The following SEC24D variants were observed in gnomAD, a reference collection of about 807,000 sequenced individuals.
SEC24D encodes the protein protein transport protein Sec24D.
A neutral mutation model predicts 116.9 loss-of-function variants in SEC24D; 69 were observed. That is an observed-to-expected ratio of 0.59 (90% confidence interval 0.49 to 0.72). SEC24D has a LOEUF of 0.72. Ranked by LOEUF, SEC24D falls within the 30% of genes least tolerant of loss-of-function variation. The pLI is 0.00. For missense variants in SEC24D, 1,131 were observed against 1,264.1 expected, an observed-to-expected ratio of 0.89 and a Z score of 1.60; for synonymous variants, 405 against 442.8, an observed-to-expected ratio of 0.91 and a Z score of 1.07.
rs187131137 is a variant in SEC24D at position 118,789,183 on chromosome 4, G to T, written c.1041+8500C>A. On this transcript the variant is annotated intron_variant, in intron 8 of 22. Coordinates refer to ENST00000280551, the MANE Select transcript of SEC24D (RefSeq NM_014822.4). ...GGTAACTTTAATAGCCCCAGAACCT[G>T]TGGAGCTTCATCATCTATAAAAGTG... Among the ~76,000 whole-genome samples the T allele has an allele frequency of 9.6e-4, 146 of 152,334 alleles. 2 individuals carry two copies. The highest frequency in any genetic ancestry group is 3.3e-3 in the African/African-American group (138 of 41,578).
chr4:118,809,392 G>A (rs905169327), intron 6 of SEC24D, among the ~76,000 whole-genome samples: 7 of 152,112 alleles, frequency 4.6e-5, no homozygotes, highest in Non-Finnish European at 2.9e-5. Context: ...CACCAAAAGG[G>A]TTATAATAAG....
intron 2 of SEC24D, among the ~76,000 whole-genome samples, chr4:118,832,312 A>C (rs116550416): frequency 0.044 from 6,653 of 152,302 alleles, 199 homozygotes; most frequent in Non-Finnish European, 0.064. Context: ...TGGTAAACAG[A>C]GTCAAATACA....
intron 7 of SEC24D, among the ~76,000 whole-genome samples, chr4:118,804,847 T>G (rs1283722552): frequency 1.3e-5 from 2 of 151,204 alleles, no homozygotes; most frequent in Non-Finnish European, 2.9e-5. Context: ...TATTGAGCCC[T>G]CTATACACAT....
At chr4:118,803,472 T>C (rs1370236256) in intron 7 of SEC24D, among the ~76,000 whole-genome samples, 1 of 152,126 alleles carries the variant, frequency 6.6e-6, no homozygotes, top group Non-Finnish European at 1.5e-5. Context: ...AGTTTGGGTG[T>C]CCCCAACTTG....
At chr4:118,810,251 A>C (rs961029965) in intron 6 of SEC24D, among the ~76,000 whole-genome samples, 15 of 152,028 alleles carry the variant, frequency 9.9e-5, no homozygotes, top group African/African-American at 3.4e-4. Context: ...TCTGACTTAG[A>C]ATTTGAATGG....
chr4:118,733,243 TG>T, intron 19 of SEC24D: 3 of 137,406 alleles, frequency 2.2e-5, no homozygotes, highest in South Asian at 2.2e-4. Flanking sequence ...TTTTTCTCAG[TG>T]TTTTTTTTTT....
intron 8 of SEC24D, among the ~76,000 whole-genome samples, chr4:118,775,245 CAG>C (rs1449408487): frequency 6.7e-6 from 1 of 149,268 alleles, no homozygotes; most frequent in Admixed American, 6.8e-5. Context: ...ATACCTGAGA[CAG>C]GGGTCGGTCA....
At chr4:118,763,920 A>G (rs1402960893) in intron 10 of SEC24D, among the ~76,000 whole-genome samples, 2 of 152,232 alleles carry the variant, frequency 1.3e-5, no homozygotes, top group Admixed American at 6.5e-5. Flanking sequence ...GCTATAGTAA[A>G]TAATTACCAT....
chr4:118,775,218 G>A (rs1728075236), intron 8 of SEC24D, among the ~76,000 whole-genome samples: 1 of 151,922 alleles, frequency 6.6e-6, no homozygotes, highest in Non-Finnish European at 1.5e-5. Flanking sequence ...GTTTACTGTA[G>A]TATCTCCTGT....
At chr4:118,818,700 T>C (rs1247179530) in intron 3 of SEC24D, among the ~76,000 whole-genome samples, 1 of 152,148 alleles carries the variant, frequency 6.6e-6, no homozygotes. Context: ...GGAATTGACT[T>C]TATAATTTAG....
At chr4:118,796,518 G>A (rs11098451) in intron 8 of SEC24D, among the ~76,000 whole-genome samples, 10,061 of 152,216 alleles carry the variant, frequency 0.066, 384 homozygotes, top group African/African-American at 0.097. Flanking sequence ...AGTTCACTCT[G>A]CTCCCAAAAG....
chr4:118,811,445 G>A (rs918491732), intron 6 of SEC24D, among the ~76,000 whole-genome samples: 2 of 152,214 alleles, frequency 1.3e-5, no homozygotes, highest in African/African-American at 4.8e-5. Context: ...AAGTCTAAAT[G>A]GTGCTATGAA....
intron 21 of SEC24D, 64 bp from the exon 22 acceptor site, chr4:118,728,714 G>T: frequency 1.0e-6 from 1 of 983,420 alleles, no homozygotes; most frequent in Non-Finnish European, 1.6e-6. Flanking sequence ...GTAGCAATAT[G>T]AGATTATCAT....
intron 13 of SEC24D, among the ~76,000 whole-genome samples, chr4:118,746,896 G>C (rs766966259): frequency 2.0e-5 from 3 of 152,120 alleles, no homozygotes; most frequent in Non-Finnish European, 2.9e-5. Context: ...GTGGGTCAGA[G>C]AGGTGAAGAC....
At chr4:118,751,054 T>TA (rs1455960490) in intron 13 of SEC24D, among the ~76,000 whole-genome samples, 1 of 152,112 alleles carries the variant, frequency 6.6e-6, no homozygotes, top group Admixed American at 6.6e-5. Flanking sequence ...CATTTTATGT[T>TA]AAAAGTTAAT....
At chr4:118,753,404 G>A (rs1480388887) in intron 11 of SEC24D, among the ~76,000 whole-genome samples, 2 of 151,950 alleles carry the variant, frequency 1.3e-5, no homozygotes, top group Non-Finnish European at 2.9e-5. Context: ...CAGAAAATAG[G>A]CTAGATTTGG....
At chr4:118,822,459 C>G (rs1730438165) in intron 3 of SEC24D, among the ~76,000 whole-genome samples, 1 of 152,184 alleles carries the variant, frequency 6.6e-6, no homozygotes, top group Non-Finnish European at 1.5e-5. Context: ...AAAGATCAAT[C>G]AATTCCAAGC....
intron 6 of SEC24D, among the ~76,000 whole-genome samples, chr4:118,810,293 G>T (rs1729866611): frequency 6.6e-6 from 1 of 152,054 alleles, no homozygotes; most frequent in African/African-American, 2.4e-5. Flanking sequence ...AGACTGAAAG[G>T]GCAGGGAGAC....
chr4:118,821,361 T>C (rs919383982), intron 3 of SEC24D, among the ~76,000 whole-genome samples: 4 of 152,192 alleles, frequency 2.6e-5, no homozygotes, highest in Admixed American at 6.5e-5. Flanking sequence ...GAATTTTTAT[T>C]TTATAATTAA....
Sources: allele counts gnomAD v4.1 joint callset (sites outside exome capture counted in the v4.1 genomes callset), GRCh38; gene constraint gnomAD v4.1.1; transcripts MANE v1.5; gene names NCBI Gene and HGNC (gene_info 2026-07-23, HGNC 2026-07-21).